The following MYH10 variants were observed in gnomAD, a reference collection of about 807,000 sequenced individuals.
The protein encoded by MYH10 is myosin heavy chain 10.
In MYH10, 55 loss-of-function variants were observed where a neutral mutation model predicts 257.8. That is an observed-to-expected ratio of 0.21 (90% CI 0.17 to 0.27). The LOEUF is 0.27. MYH10 is among the 10% of genes least tolerant of loss of function. The pLI, the probability that MYH10 is intolerant of heterozygous loss-of-function variation, is 1.00. For missense variants in MYH10, 1,631 were observed against 2,500.6 expected (o/e 0.65, Z 7.42); for synonymous variants, 854 against 921.7 (o/e 0.93, Z 1.33).
intron 2 of MYH10, among the ~76,000 whole-genome samples, chr17:8,611,265 A>G (rs550408357): frequency 6.6e-6 from 1 of 152,316 alleles, no homozygotes; most frequent in South Asian, 2.1e-4. Context: ...TCCTGCATGG[A>G]CTACATGTCC....
At chr17:8,493,056 C>A in intron 32 of MYH10, 32 bp from the exon 33 acceptor site, 1 of 1,607,488 alleles carries the variant, frequency 6.2e-7, no homozygotes, top group South Asian at 1.1e-5. Context: ...ACAGAAAGCT[C>A]AGTATTAATG....
At chr17:8,555,283 C>T (rs1297590303) in intron 7 of MYH10, among the ~76,000 whole-genome samples, 3 of 152,190 alleles carry the variant, frequency 2.0e-5, no homozygotes, top group Non-Finnish European at 4.4e-5. Flanking sequence ...TTTGAGGAAA[C>T]TGACAAGCTG....
chr17:8,493,084 G>T (rs1916032441), intron 32 of MYH10, 60 bp from the exon 33 acceptor site: 3 of 1,559,726 alleles, frequency 1.9e-6, no homozygotes, highest in African/African-American at 1.4e-5. Context: ...TTGGGGCCAG[G>T]CATGGTGGCT....
rs1912273144 is a variant in MYH10 at position 8,474,973 on chromosome 17, C to T, written c.*831G>A. The T allele has an allele frequency of 6.6e-6, 1 of 152,626 alleles. No individual in the cohort carries two copies. Among genetic ancestry groups the T allele is most frequent in the Non-Finnish European group, 1.5e-5 (1 of 68,092 alleles). The allele number at this position is 152,626 out of a possible 1,614,324, so 9.5% of individuals were successfully genotyped here. A position where few individuals can be genotyped will look rare whatever the true frequency, so the allele number is the denominator to read the frequency against. On this transcript the variant is annotated 3_prime_UTR_variant, in exon 43 of 43. Coordinates refer to ENST00000360416, the MANE Select transcript of MYH10 (RefSeq NM_001256012.3). ...GGGGAGGGGCCTTCCACCAGCTCGG[C>T]TTAGGGGTCCACGGCTGCTTGCTCC...
chr17:8,541,845 A>G (rs1326965836), intron 14 of MYH10, among the ~76,000 whole-genome samples: 1 of 152,186 alleles, frequency 6.6e-6, no homozygotes, highest in Non-Finnish European at 1.5e-5. Flanking sequence ...AGTCTGTGCG[A>G]GCCAGAGCCC....
In MYH10 at chr17:8,477,527, A is replaced by T. The variant is rs893161153; in HGVS notation, c.5707-479T>A. Among the ~76,000 whole-genome samples, 1 of 152,144 alleles carries T rather than the reference A, an allele frequency of 6.6e-6. No homozygotes were observed. The highest frequency in any genetic ancestry group is 1.5e-5 in the Non-Finnish European group (1 of 68,028). On this transcript the variant is annotated intron_variant, in intron 41 of 42. Coordinates refer to ENST00000360416, the MANE Select transcript of MYH10 (RefSeq NM_001256012.3). The surrounding 1 kb of genome is among the most constrained non-coding windows in gnomAD (Gnocchi z 4.2). ...CCACCCTGGGATGACATGCCACAGA[A>T]CTAAGAGCCTCCCTTTTGGACCCTT...
chr17:8,519,414 C>T (rs930605340), intron 19 of MYH10, among the ~76,000 whole-genome samples: 3 of 152,190 alleles, frequency 2.0e-5, no homozygotes, highest in African/African-American at 4.8e-5. Flanking sequence ...TGTGACATGA[C>T]GTTGGTCTGG....
At chr17:8,601,019 C>T (rs2084570485) in intron 3 of MYH10, among the ~76,000 whole-genome samples, 1 of 152,194 alleles carries the variant, frequency 6.6e-6, no homozygotes, top group South Asian at 2.1e-4. Context: ...TGACTGGAAA[C>T]ACAGTGAATT....
chr17:8,486,222 G>C (rs775314371), intron 36 of MYH10, among the ~76,000 whole-genome samples: 1 of 152,128 alleles, frequency 6.6e-6, no homozygotes, highest in Non-Finnish European at 1.5e-5. Context: ...GGATTCTTTT[G>C]GGAGGGACCA....
intron 3 of MYH10, among the ~76,000 whole-genome samples, chr17:8,590,940 T>C (rs2084112342): frequency 1.5e-5 from 2 of 129,318 alleles, no homozygotes; most frequent in Admixed American, 1.9e-4. Context: ...TGGCGCAATC[T>C]CGGCTCACTG....
chr17:8,502,413 G>A (rs1171527387), intron 28 of MYH10, among the ~76,000 whole-genome samples: 1 of 152,088 alleles, frequency 6.6e-6, no homozygotes, highest in Non-Finnish European at 1.5e-5. Context: ...GGCTCCCATC[G>A]AGATTGTTTC....
chr17:8,476,073 T>G, intron 42 of MYH10, 125 bp from the exon 43 acceptor site: 1 of 1,132,814 alleles, frequency 8.8e-7, no homozygotes. Context: ...CACGACCTTG[T>G]GGGGGTGGCG....
In MYH10 at chr17:8,616,713, G is replaced by C. The variant is rs138577375; in HGVS notation, c.345+6189C>G. On this transcript the variant is annotated intron_variant, in intron 2 of 42. Coordinates refer to ENST00000360416, the MANE Select transcript of MYH10 (RefSeq NM_001256012.3). ...AATTTCTCTCCCAAACTGATCTACA[G>C]AATCAGTAAGATCCCAATCAAAATT... Among the ~76,000 whole-genome samples, 196 of 152,150 alleles carry C rather than the reference G, an allele frequency of 1.3e-3. 1 individual carries two copies. The highest frequency in any genetic ancestry group is 6.8e-3 in the Middle Eastern group (2 of 292).
rs2151814645 is a variant in MYH10 at position 8,490,878 on chromosome 17, TTGAC to T, written c.4672-330_4672-327del. Among the ~76,000 whole-genome samples, 1 of 152,342 alleles carries T rather than the reference TTGAC, an allele frequency of 6.6e-6. No individual in the cohort carries two copies. Among genetic ancestry groups the T allele is most frequent in the East Asian group, 1.9e-4 (1 of 5,186 alleles). ...ACAGCCATGTCAGGGAACCTGTCTG[TTGAC>T]TGACTCCTTGCCTGCTGTCTGTGAG... On this transcript the variant is annotated intron_variant, in intron 34 of 42. Coordinates refer to ENST00000360416, the MANE Select transcript of MYH10 (RefSeq NM_001256012.3). The surrounding 1 kb of genome is among the most constrained non-coding windows in gnomAD (Gnocchi z 4.1).
At chr17:8,513,510 G>A (rs1350684129) in intron 23 of MYH10, 28 bp downstream of exon 23, 2 of 1,612,574 alleles carry the variant, frequency 1.2e-6, no homozygotes, top group Non-Finnish European at 1.7e-6. Flanking sequence ...TCAGGGCCAA[G>A]TGTGAGTTAC....
chr17:8,606,137 T>G (rs577265415), intron 2 of MYH10, among the ~76,000 whole-genome samples: 4 of 152,210 alleles, frequency 2.6e-5, no homozygotes, highest in Admixed American at 6.5e-5. Flanking sequence ...TTGGGATGGA[T>G]CTTCAGTAAA....
intron 3 of MYH10, among the ~76,000 whole-genome samples, chr17:8,598,743 G>C (rs577192483): frequency 1.5e-5 from 2 of 137,076 alleles, no homozygotes; most frequent in Admixed American, 1.5e-4. Flanking sequence ...GTCTTGCTCT[G>C]TTGCCCAGGC....
chr17:8,579,892 T>C (rs932816039), intron 4 of MYH10, among the ~76,000 whole-genome samples: 1 of 152,216 alleles, frequency 6.6e-6, no homozygotes, highest in Non-Finnish European at 1.5e-5. Context: ...TTTAATCTAA[T>C]TGTTTCCCCT....
At chr17:8,627,769 A>G (rs1385526436) in intron 1 of MYH10, among the ~76,000 whole-genome samples, 1 of 152,240 alleles carries the variant, frequency 6.6e-6, no homozygotes, top group Non-Finnish European at 1.5e-5. Flanking sequence ...CCATTGTCAT[A>G]TATCACTAAT....
Sources: allele counts gnomAD v4.1 joint callset (sites outside exome capture counted in the v4.1 genomes callset), GRCh38; gene constraint gnomAD v4.1.1; non-coding constraint Gnocchi (gnomAD v3.1); transcripts MANE v1.5; gene names NCBI Gene and HGNC (gene_info 2026-07-23, HGNC 2026-07-21).